Variants in KLHL11 observed in about 807,000 individuals in gnomAD.
KLHL11 encodes kelch-like protein 11.
Under a neutral mutation model 56.1 loss-of-function variants are expected in KLHL11, and 26 were observed. The ratio of observed to expected loss-of-function variants is 0.46; its 90% CI spans 0.34 to 0.64. KLHL11 has a LOEUF of 0.64. Ranked by LOEUF, KLHL11 falls within the 30% of genes least tolerant of loss-of-function variation. The pLI, the probability that KLHL11 is intolerant of heterozygous loss-of-function variation, is 0.01. For missense variants in KLHL11, 627 were observed against 919.4 expected, an observed-to-expected ratio of 0.68 and a Z score of 4.11; for synonymous variants, 338 against 345.8, an observed-to-expected ratio of 0.98 and a Z score of 0.25.
chr17:41,864,621 G>A (rs2048425337), intron 1 of KLHL11, among the ~76,000 whole-genome samples: 1 of 152,222 alleles, frequency 6.6e-6, no homozygotes, highest in African/African-American at 2.4e-5. Context: ...CTCCTTGGGC[G>A]CGGGGCGCCC....
rs1036657379 is a variant in KLHL11, at chr17:41,857,839, G to A, written c.546-2518C>T. 7.2e-5 allele frequency among the ~76,000 whole-genome samples: 11 copies of A among 151,974 alleles called. No individual in the cohort carries two copies. In the East Asian group the frequency reaches 1.6e-3, roughly 21 times the overall value. ...TTTTTCTTCTCTTTTGTTTAGAGAC[G>A]GTGTTTCACTCTTGCTGCCCAAGCT... On this transcript the variant is annotated intron_variant, in intron 1 of 1. Coordinates refer to ENST00000319121, the MANE Select transcript of KLHL11 (RefSeq NM_018143.3).
chr17:41,858,409 TTG>T (rs1375479168), intron 1 of KLHL11, among the ~76,000 whole-genome samples: 37 of 26,760 alleles, frequency 1.4e-3, no homozygotes, highest in South Asian at 4.1e-3. Context: ...TATATATTTT[TTG>T]TTGTTGTTGT....
rs1019321416 is a variant in KLHL11 at position 41,865,224 on chromosome 17, C to T, written c.147G>A (p.Gly49=). The T allele has an allele frequency of 3.1e-6, 5 of 1,600,736 alleles. No individual in the cohort carries two copies. The African/African-American group carries it at 4.1e-5, about 13-fold the overall frequency. The change falls in exon 1 of 2, where the codon GGG becomes GGA. Residue 49 remains glycine, a synonymous_variant. Coordinates refer to ENST00000319121, the MANE Select transcript of KLHL11 (RefSeq NM_018143.3). ...CCATTGCAGAGATCCCCGGCCCAGG[C>T]CCGAAGTCCACCGTGCCGCTGCCTC... ...EVRGSGTVDF[G]PGPGISAMEA...
chr17:41,856,759 G>A (rs2048369288), intron 1 of KLHL11, among the ~76,000 whole-genome samples: 2 of 151,900 alleles, frequency 1.3e-5, no homozygotes, highest in Non-Finnish European at 2.9e-5. Flanking sequence ...GCTCACACCT[G>A]TAATCCCAGC....
intron 1 of KLHL11, among the ~76,000 whole-genome samples, chr17:41,860,575 C>T (rs1159839444): frequency 3.9e-5 from 6 of 152,028 alleles, no homozygotes; most frequent in African/African-American, 1.5e-4. Context: ...CTCTAACTCC[C>T]CAATAGAGCA....
At chr17:41,856,179 T>TG (rs1555622538) in intron 1 of KLHL11, among the ~76,000 whole-genome samples, 1 of 151,602 alleles carries the variant, frequency 6.6e-6, no homozygotes, top group Non-Finnish European at 1.5e-5. Context: ...TTAGTAGAGA[T>TG]GGGGTTTCAC....
At position 41,852,245 on chromosome 17, in the gene KLHL11, G is replaced by A. The variant is rs563915253; in HGVS notation, c.*1495C>T. Among the ~76,000 whole-genome samples, 153 of 151,854 alleles carry A rather than the reference G, an allele frequency of 1.0e-3. No homozygotes were observed. Among genetic ancestry groups the A allele is most frequent in the Non-Finnish European group, 1.6e-3 (108 of 67,934 alleles). Reference sequence around the variant, plus strand: ...TTTCCCAGGCTGGTCTTGAACTCTTGGGCTCAAAATCTGCCCACCTCAGCC... The same window carrying A: ...TTTCCCAGGCTGGTCTTGAACTCTTAGGCTCAAAATCTGCCCACCTCAGCC... On this transcript the variant is annotated 3_prime_UTR_variant, in exon 2 of 2. Transcript: ENST00000319121.
In KLHL11 at chr17:41,865,404, G is replaced by C; in HGVS notation, c.-34C>G. ...CGCTGCGCCCGGCCTCCACAGCCTCGGAACGATGCGGCTGTTGGTACGACA... is the reference window on the plus strand; with the variant it reads ...CGCTGCGCCCGGCCTCCACAGCCTCCGAACGATGCGGCTGTTGGTACGACA... On this transcript the variant is annotated 5_prime_UTR_variant, in exon 1 of 2. Coordinates refer to ENST00000319121, the MANE Select transcript of KLHL11 (RefSeq NM_018143.3). The C allele has an allele frequency of 8.0e-7, 1 of 1,247,922 alleles. No homozygotes were observed. The highest frequency in any genetic ancestry group is 1.7e-5 in the South Asian group (1 of 60,564). The allele number at this position is 1,247,922 out of a possible 1,614,324, so 77.3% of individuals were successfully genotyped here. A position where few individuals can be genotyped will look rare whatever the true frequency, so the allele number is the denominator to read the frequency against.
At chr17:41,862,813 A>G (rs2048412864) in intron 1 of KLHL11, among the ~76,000 whole-genome samples, 1 of 151,990 alleles carries the variant, frequency 6.6e-6, no homozygotes, top group Admixed American at 6.6e-5. Flanking sequence ...GGCTTTAGTT[A>G]CCATTTATAC....
intron 1 of KLHL11, among the ~76,000 whole-genome samples, chr17:41,858,061 A>T (rs2048377276): frequency 6.6e-6 from 1 of 151,910 alleles, no homozygotes; most frequent in African/African-American, 2.4e-5. Context: ...CAGGTGACCC[A>T]CTTGCCTCGC....
In KLHL11 at chr17:41,849,939, C is replaced by T. The variant is rs994928005; in HGVS notation, c.*3801G>A. The T allele has an allele frequency of 5.9e-5, 9 of 152,156 alleles. No individual in the cohort carries two copies. The highest frequency in any genetic ancestry group is 5.9e-4 in the Admixed American group (9 of 15,270). 9.4% of individuals were successfully genotyped at this position (152,156 alleles called of 1,614,324 possible). On this transcript the variant is annotated 3_prime_UTR_variant, in exon 2 of 2. Transcript: ENST00000319121. Reference sequence around the variant, plus strand: ...TTCCTCTCTCTTCTACAAACAAAAGCAAAAGCAACAAAACAAAGGTTTGCT... The same window carrying T: ...TTCCTCTCTCTTCTACAAACAAAAGTAAAAGCAACAAAACAAAGGTTTGCT...
chr17:41,857,618 A>G (rs1555622674), intron 1 of KLHL11, among the ~76,000 whole-genome samples: 1 of 151,924 alleles, frequency 6.6e-6, no homozygotes, highest in Non-Finnish European at 1.5e-5. Context: ...ATACATATAT[A>G]CACACATATA....
rs1316820859 is a variant in KLHL11 at position 41,852,215 on chromosome 17, CTA to C, written c.*1523_*1524del. On this transcript the variant is annotated 3_prime_UTR_variant, in exon 2 of 2. Transcript: ENST00000319121. ...TACTTTTTGTAGAGACAGGATCTTGCTATGTTTCCCAGGCTGGTCTTGAACTC... is the reference window on the plus strand; with the variant it reads ...TACTTTTTGTAGAGACAGGATCTTGCTGTTTCCCAGGCTGGTCTTGAACTC... Among the ~76,000 whole-genome samples the C allele has an allele frequency of 9.2e-5, 14 of 151,894 alleles. No individual in the cohort carries two copies. Among genetic ancestry groups the C allele is most frequent in the Non-Finnish European group, 1.8e-4 (12 of 67,984 alleles).
At chr17:41,859,429 G>A (rs1002948506) in intron 1 of KLHL11, among the ~76,000 whole-genome samples, 2 of 152,114 alleles carry the variant, frequency 1.3e-5, no homozygotes, top group African/African-American at 4.8e-5. Context: ...GCTGGGCGTG[G>A]TGGCAGGTAC....
At position 41,865,038 on chromosome 17, in the gene KLHL11, G is replaced by T; in HGVS notation, c.333C>A (p.His111Gln). 6.3e-7 allele frequency: 1 copy of T among 1,588,124 alleles called. No homozygotes were observed. Among genetic ancestry groups the T allele is most frequent in the Non-Finnish European group, 8.6e-7 (1 of 1,164,750 alleles). Residue 111 changes from histidine (H) to glutamine (Q), a missense_variant, in exon 1 of 2, where the codon CAC becomes CAA. By Grantham distance (24) the His-to-Gln change is conservative (BLOSUM62 0). This residue lies in a region of KLHL11 where 150 missense variants were observed against 215.7 expected (regional missense o/e 0.70). Coordinates refer to ENST00000319121, the MANE Select transcript of KLHL11 (RefSeq NM_018143.3). ...GGAGGREFRA[H>Q]RSVLAAATEY... ...CGGTGGCGGCAGCCAGTACCGAGCG[G>T]TGGGCCCGGAACTCGCGGCCTCCAG...
At chr17:41,856,950 G>T (rs2048370358) in intron 1 of KLHL11, among the ~76,000 whole-genome samples, 1 of 152,038 alleles carries the variant, frequency 6.6e-6, no homozygotes, top group African/African-American at 2.4e-5. Flanking sequence ...AATCTGGGAG[G>T]CAGAGGTTAT....
At position 41,853,798 on chromosome 17, in the gene KLHL11, T is replaced by C. The variant is rs782641093; in HGVS notation, c.2069A>G (p.Glu690Gly). Residue 690 changes from glutamate (E) to glycine (G), a missense_variant, in exon 2 of 2, where the codon GAG becomes GGG. By Grantham distance (98) the Glu-to-Gly change is moderately conservative (BLOSUM62 -2). This residue lies in a region of KLHL11 where 250 missense variants were observed against 360.6 expected (regional missense o/e 0.69). Coordinates refer to ENST00000319121, the MANE Select transcript of KLHL11 (RefSeq NM_018143.3). The part of the protein sequence containing the change: ...WQKDRIRQMQ[E>G]IHRHALNMRR... ...CATGTTCAGGGCGTGACGATGTATC[T>C]CTTGCATCTGTCTGATGCGGTCCTT... 1 of 1,614,224 alleles carries C rather than the reference T, an allele frequency of 6.2e-7. No individual in the cohort carries two copies. The highest frequency in any genetic ancestry group is 1.3e-5 in the African/African-American group (1 of 75,066).
Position 41,865,311 on chromosome 17 carries a change from T to G in KLHL11, c.60A>C (p.Val20=). The G allele has an allele frequency of 6.6e-7, 1 of 1,526,658 alleles. No homozygotes were observed. Among genetic ancestry groups the G allele is most frequent in the Non-Finnish European group, 8.7e-7 (1 of 1,152,092 alleles). 94.6% of individuals were successfully genotyped at this position (1,526,658 alleles called of 1,614,324 possible). ...CCGTCTCCATGCTCTCCATCTCCAG[T>G]ACCTGAAGAGATGCAGCCGCGGCCG... ...AAAAAAASLQ[V]LEMESMETAA... is the part of the protein sequence containing the mutation. The change falls in exon 1 of 2, where the codon GTA becomes GTC. Residue 20 remains valine (V), a synonymous_variant. Coordinates refer to ENST00000319121, the MANE Select transcript of KLHL11 (RefSeq NM_018143.3).
Position 41,854,171 on chromosome 17 carries a change from G to A in KLHL11, c.1696C>T (p.Pro566Ser). 6.2e-7 allele frequency: 1 copy of A among 1,614,054 alleles called. No homozygotes were observed. The highest frequency in any genetic ancestry group is 8.5e-7 in the Non-Finnish European group (1 of 1,179,998). ...TCGTTTTCTAAACAATAACTCTTGGGACAACATGATGCTGTCTGATAAAAG... is the reference window on the plus strand; with the variant it reads ...TCGTTTTCTAAACAATAACTCTTGGAACAACATGATGCTGTCTGATAAAAG... ...SNFYQTASCC[P>S]KSYCLENEEA... Residue 566 changes from proline (P) to serine (S), a missense_variant, in exon 2 of 2, where the codon CCC becomes TCC. Pro to Ser is a moderately conservative substitution (Grantham distance 74). Transcript: ENST00000319121. The surrounding 1 kb of genome is among the most constrained non-coding windows in gnomAD (Gnocchi z 4.9).
Sources: gnomAD v4.1 joint callset for allele counts (sites outside exome capture counted in the v4.1 genomes callset) on GRCh38, gnomAD v4.1.1 for gene constraint, gnomAD v4.1.1 regional missense constraint, Gnocchi (gnomAD v3.1) non-coding constraint, MANE v1.5 for transcripts, NCBI Gene and HGNC (gene_info 2026-07-23, HGNC 2026-07-21) for gene names.